The following GAREM2 variants were observed in gnomAD, a reference collection of about 807,000 sequenced individuals.
GAREM2 encodes the protein GRB2-associated and regulator of MAPK protein 2.
A neutral mutation model predicts 55.6 loss-of-function variants in GAREM2; 30 were observed. The observed-to-expected ratio is 0.54, with a 90% CI of 0.40 to 0.73. The LOEUF is 0.73. GAREM2 is among the 30% of genes least tolerant of loss of function. The pLI is 0.00. For synonymous variants in GAREM2, 550 were observed against 569.1 expected (o/e 0.97, Z 0.48); for missense variants, 1,075 against 1,257.7 (o/e 0.85, Z 2.20).
Position 26,173,290 on chromosome 2 carries a change from G to C in GAREM2, c.70G>C (p.Val24Leu). The C allele has an allele frequency of 7.0e-7, 1 of 1,436,032 alleles. No homozygotes were observed. Among genetic ancestry groups the C allele is most frequent in the East Asian group, 3.0e-5 (1 of 33,114 alleles). The allele number at this position is 1,436,032 out of a possible 1,614,324, so 89.0% of individuals were successfully genotyped here. Residue 24 changes from valine (V) to leucine (L), a missense_variant, in exon 1 of 6, where the codon GTC (valine) becomes CTC (leucine). Val to Leu is a conservative substitution (Grantham distance 32, BLOSUM62 1). Around this residue, in one of 6 missense-constraint regions of GAREM2, gnomAD observed 230 missense variants for 310.6 expected, o/e 0.74. Transcript: ENST00000401533. Reference sequence around the variant, plus strand: ...GGGCGCCTTCCCGCTCGACCTCATCGTCAGCCGCTGCCGCCTGCCCACGCT... The same window carrying C: ...GGGCGCCTTCCCGCTCGACCTCATCCTCAGCCGCTGCCGCCTGCCCACGCT... The part of the protein sequence containing the change: ...SMGAFPLDLI[V>L]SRCRLPTLAC...
chr2:26,194,459 A>G, downstream of GAREM2: 1 of 772,008 alleles, frequency 1.3e-6, no homozygotes, highest in Admixed American at 1.9e-5. Flanking sequence ...CCTAGACAAG[A>G]GCAGGAGTTG....
intron 3 of GAREM2, 120 bp downstream of exon 3, chr2:26,183,217 C>T: frequency 9.3e-7 from 1 of 1,071,812 alleles, no homozygotes; most frequent in Non-Finnish European, 1.3e-6. Flanking sequence ...CCTGGGGACC[C>T]CTTAGGGGTC....
In GAREM2 at chr2:26,176,369, G is replaced by A. The variant is rs762500060; in HGVS notation, c.138G>A (p.Glu46=). 15 of 1,548,248 alleles carry A rather than the reference G, an allele frequency of 9.7e-6. 1 individual carries two copies. In the South Asian group the frequency reaches 1.7e-4, roughly 17 times the overall value. ...GGGAGTACGCCGAGGGCGTCAGTGAGCGAGACATCCTGCTCATCCACTCCT... is the reference window on the plus strand; with the variant it reads ...GGGAGTACGCCGAGGGCGTCAGTGAACGAGACATCCTGCTCATCCACTCCT... The part of the protein sequence containing the change: ...GPGEYAEGVS[E]RDILLIHSCR... The change falls in exon 2 of 6, where the codon GAG becomes GAA. Residue 46 remains glutamate (E), a synonymous_variant. Transcript: ENST00000401533.
chr2:26,182,261 C>T (rs1179877414), intron 2 of GAREM2: 8 of 1,428,872 alleles, frequency 5.6e-6, no homozygotes, highest in Non-Finnish European at 5.5e-6. Flanking sequence ...AAGCACGCAG[C>T]CCCAGACTGC....
At chr2:26,185,793 G>T (rs1019984169) in intron 4 of GAREM2, among the ~76,000 whole-genome samples, 2 of 152,204 alleles carry the variant, frequency 1.3e-5, no homozygotes, top group Admixed American at 1.3e-4. Context: ...TACACGACTT[G>T]TAGGGAGGGA....
chr2:26,186,586 T>A (rs1468756516), intron 5 of GAREM2, among the ~76,000 whole-genome samples: 1 of 152,180 alleles, frequency 6.6e-6, no homozygotes, highest in African/African-American at 2.4e-5. Context: ...CTCTCTTAAA[T>A]GTTGAGGAAC....
At chr2:26,203,433 T>C in the GAREM2 span, among the ~76,000 whole-genome samples, 1 of 152,162 alleles carries the variant, frequency 6.6e-6, no homozygotes, top group South Asian at 2.1e-4. Flanking sequence ...ATGTGTGTGA[T>C]GGTGAGAGAG....
chr2:26,192,342 TA>T (rs779113356), downstream of GAREM2: 2 of 1,605,124 alleles, frequency 1.2e-6, no homozygotes, highest in Non-Finnish European at 1.7e-6. Flanking sequence ...TCAGACTCGC[TA>T]AAATACTATC....
At chr2:26,201,152 T>C in the GAREM2 span, 6 of 1,610,886 alleles carry the variant, frequency 3.7e-6, no homozygotes, top group Admixed American at 1.7e-5. Flanking sequence ...TGCTTACCGC[T>C]TCTACTTCCT....
At chr2:26,176,582 G>C in intron 2 of GAREM2, 98 bp downstream of exon 2, 1 of 1,150,978 alleles carries the variant, frequency 8.7e-7, no homozygotes, top group Non-Finnish European at 1.1e-6. Flanking sequence ...CTAGCGAGGC[G>C]GTGATTAGGG....
At chr2:26,201,403 G>A in the GAREM2 span, 1 of 900,940 alleles carries the variant, frequency 1.1e-6, no homozygotes, top group Non-Finnish European at 1.8e-6. Context: ...GCACACCTGT[G>A]TTTTTCACCA....
At chr2:26,191,398 G>C (rs755518457), downstream of GAREM2, 1 of 1,614,222 alleles carries the variant, frequency 6.2e-7, no homozygotes, top group African/African-American at 1.3e-5. Flanking sequence ...GAAAGGCCCT[G>C]AATAGAGAAA....
chr2:26,185,130 C>A lies in GAREM2; in HGVS notation c.1282C>A (p.Pro428Thr). 1 of 1,471,670 alleles carries A rather than the reference C, an allele frequency of 6.8e-7. No homozygotes were observed. Among genetic ancestry groups the A allele is most frequent in the African/African-American group, 1.5e-5 (1 of 68,094 alleles). The allele number at this position is 1,471,670 out of a possible 1,614,324, so 91.2% of individuals were successfully genotyped here. ...PEPAAPPAEI[P>T]YEELWAHQGP... ...GCCCGCCGCGCCGCCCGCCGAGATC[C>A]CCTACGAGGAGTTGTGGGCGCACCA... Residue 428 changes from proline to threonine, a missense_variant, in exon 4 of 6, where the codon CCC becomes ACC. Physicochemically the swap from Pro to Thr is conservative, Grantham distance 38 (BLOSUM62 -1). Transcript: ENST00000401533.
chr2:26,198,035 G>A, the GAREM2 span, among the ~76,000 whole-genome samples: 2 of 152,122 alleles, frequency 1.3e-5, no homozygotes, highest in Non-Finnish European at 2.9e-5. Context: ...CTGACCTGGA[G>A]ACTACATCTC....
the GAREM2 span, chr2:26,197,607 C>A: frequency 1.3e-5 from 10 of 786,438 alleles, no homozygotes; most frequent in Non-Finnish European, 2.1e-5. Flanking sequence ...AATCCACTGT[C>A]TCTTCTGTAC....
rs1669421894 is a variant in GAREM2, at chr2:26,189,499, T to C, written c.*1242T>C. 6.6e-6 allele frequency: 1 copy of C among 152,248 alleles called. No individual in the cohort carries two copies. Among genetic ancestry groups the C allele is most frequent in the South Asian group, 2.1e-4 (1 of 4,828 alleles). The allele number at this position is 152,248 out of a possible 1,614,324, so 9.4% of individuals were successfully genotyped here. A position where few individuals can be genotyped will look rare whatever the true frequency, so the allele number is the denominator to read the frequency against. ...TATCTTAAAAGTAGCTAAGCCATGC[T>C]GGTGCCCATACTCCAAGCAGGCTGC... is the stretch of plus-strand genomic sequence containing the variant. On this transcript the variant is annotated 3_prime_UTR_variant, in exon 6 of 6. Transcript: ENST00000401533.
the GAREM2 span, chr2:26,201,175 G>C: frequency 3.7e-6 from 6 of 1,613,646 alleles, no homozygotes; most frequent in African/African-American, 8.0e-5. Flanking sequence ...AGCACTCTGT[G>C]CTTAAGACTA....
downstream of GAREM2, chr2:26,192,207 G>T (rs901971867): frequency 2.9e-6 from 2 of 701,238 alleles, no homozygotes; most frequent in South Asian, 3.1e-5. Flanking sequence ...TGTATCCCAG[G>T]ACTTAAAGTA....
At chr2:26,193,529 G>A (rs13432831), downstream of GAREM2, 1 of 1,476,456 alleles carries the variant, frequency 6.8e-7, no homozygotes, top group South Asian at 1.1e-5. Flanking sequence ...GAACTGCTTA[G>A]AACTTTGTAA....
Sources: allele counts gnomAD v4.1 joint callset (sites outside exome capture counted in the v4.1 genomes callset), GRCh38; gene constraint gnomAD v4.1.1; regional missense constraint gnomAD v4.1.1; transcripts MANE v1.5; gene names NCBI Gene and HGNC (gene_info 2026-07-23, HGNC 2026-07-21).